The following ABCC9 variants were observed in gnomAD, a reference collection of about 807,000 sequenced individuals.
ABCC9 encodes ATP-binding cassette sub-family C member 9.
In ABCC9, 95 loss-of-function variants were observed where a neutral mutation model predicts 188.3. That is an observed-to-expected ratio of 0.50 (90% CI 0.43 to 0.60). The LOEUF is 0.60. ABCC9 is among the 20% of genes least tolerant of loss of function. ABCC9 has a pLI of 0.00. For missense variants in ABCC9, 1,102 were observed against 1,876.3 expected (o/e 0.59, Z 7.62); for synonymous variants, 659 against 652.7 (o/e 1.01, Z -0.15).
chr12:21,913,113 C>T (rs767940647), intron 7 of ABCC9, 47 bp from the exon 8 acceptor site: 1 of 1,514,580 alleles, frequency 6.6e-7, no homozygotes, highest in Non-Finnish European at 9.0e-7. Flanking sequence ...CAAAATAAAA[C>T]TGCTTAGAGC....
chr12:21,840,063 G>A (rs1404761078), intron 29 of ABCC9, among the ~76,000 whole-genome samples: 1 of 152,186 alleles, frequency 6.6e-6, no homozygotes, highest in Non-Finnish European at 1.5e-5. Context: ...TTATAAAACT[G>A]TGTTTGATAA....
rs552801748 is a variant in ABCC9, at chr12:21,933,323, G to A, written c.284+459C>T. ...GAAATAATCTGTACAACAAACCTCCGTGACTCAAGTTTACCTGCATAATAA... is the reference window on the plus strand; with the variant it reads ...GAAATAATCTGTACAACAAACCTCCATGACTCAAGTTTACCTGCATAATAA... On this transcript the variant is annotated intron_variant, in intron 4 of 39. Coordinates refer to ENST00000261200, the MANE Select transcript of ABCC9 (RefSeq NM_020297.4). 8.6e-5 allele frequency among the ~76,000 whole-genome samples: 13 copies of A among 152,020 alleles called. No individual in the cohort carries two copies. The East Asian group carries it at 1.9e-3, about 23-fold the overall frequency.
intron 7 of ABCC9, among the ~76,000 whole-genome samples, 174 bp downstream of exon 7, chr12:21,915,494 G>GTATATATATATATA (rs1242200528): frequency 1.0e-4 from 1 of 9,682 alleles, no homozygotes; most frequent in African/African-American, 2.9e-4. Context: ...GTGTGTGTGT[G>GTATATATATATATA]TGTGTGTATA....
At chr12:21,844,604 T>G (rs1944544137) in intron 27 of ABCC9, 52 bp from the exon 28 acceptor site, 1 of 1,580,434 alleles carries the variant, frequency 6.3e-7, no homozygotes. Context: ...ATTTGGAACC[T>G]GGGCATTGCT....
intron 17 of ABCC9, among the ~76,000 whole-genome samples, chr12:21,873,591 G>T (rs1946186867): frequency 1.3e-5 from 2 of 152,042 alleles, no homozygotes; most frequent in Non-Finnish European, 2.9e-5. Flanking sequence ...GGAAAGAGTA[G>T]ACCCCAAATA....
intron 13 of ABCC9, 89 bp downstream of exon 13, chr12:21,895,186 T>C: frequency 8.8e-7 from 1 of 1,130,916 alleles, no homozygotes; most frequent in Non-Finnish European, 1.3e-6. Flanking sequence ...GGTGAGGTAA[T>C]ATATATTACT....
chr12:21,810,693 G>A (rs992873013), intron 36 of ABCC9, among the ~76,000 whole-genome samples: 1 of 152,010 alleles, frequency 6.6e-6, no homozygotes, highest in Admixed American at 6.6e-5. Context: ...GAGGATTATG[G>A]CAACTACAAT....
At chr12:21,882,348 C>T (rs766605114) in intron 16 of ABCC9, among the ~76,000 whole-genome samples, 1 of 152,136 alleles carries the variant, frequency 6.6e-6, no homozygotes, top group African/African-American at 2.4e-5. Flanking sequence ...AGGGCAGTAC[C>T]GGGAAACTGG....
chr12:21,926,116 T>A, intron 4 of ABCC9, 53 bp from the exon 5 acceptor site: 2 of 1,612,528 alleles, frequency 1.2e-6, no homozygotes, highest in Admixed American at 1.7e-5. Context: ...GATAATTTCT[T>A]ATTTTTTTTC....
chr12:21,936,437 A>G (rs1287082474), intron 3 of ABCC9, 96 bp downstream of exon 3: 6 of 1,093,798 alleles, frequency 5.5e-6, no homozygotes, highest in Non-Finnish European at 8.0e-6. Context: ...ATCAGCTTCC[A>G]TGTTACAGAA....
chr12:21,859,402 C>A (rs190702579), intron 22 of ABCC9, among the ~76,000 whole-genome samples, 184 bp downstream of exon 22: 1 of 152,272 alleles, frequency 6.6e-6, no homozygotes, highest in Non-Finnish European at 1.5e-5. Context: ...TCCCAACTCT[C>A]AAGATACGTT....
intron 21 of ABCC9, 29 bp from the exon 22 acceptor site, chr12:21,859,695 T>A (rs1945408641): frequency 1.3e-6 from 2 of 1,562,748 alleles, no homozygotes; most frequent in Non-Finnish European, 8.8e-7. Flanking sequence ...CAAATACCCA[T>A]TTTTTAATAT....
chr12:21,911,766 A>C (rs1948335904), intron 8 of ABCC9, among the ~76,000 whole-genome samples: 1 of 151,942 alleles, frequency 6.6e-6, no homozygotes, highest in Non-Finnish European at 1.5e-5. Flanking sequence ...TTCTTAGCAA[A>C]ACGTGGTTAA....
chr12:21,817,417 G>A, intron 32 of ABCC9, 110 bp from the exon 33 acceptor site: 2 of 984,948 alleles, frequency 2.0e-6, no homozygotes, highest in Non-Finnish European at 3.1e-6. Context: ...GTACATGTGT[G>A]ATACAACTCA....
intron 6 of ABCC9, among the ~76,000 whole-genome samples, chr12:21,916,381 A>G (rs926260046): frequency 6.6e-6 from 1 of 152,182 alleles, no homozygotes; most frequent in Non-Finnish European, 1.5e-5. Context: ...TAAAAAATGA[A>G]TACTGGAAAA....
At position 21,910,817 on chromosome 12, in the gene ABCC9, T is replaced by C; in HGVS notation, c.1164+9A>G. On this transcript the variant is annotated intron_variant, in intron 9 of 39. Coordinates refer to ENST00000261200, the MANE Select transcript of ABCC9 (RefSeq NM_020297.4). ...TAGGAAACAAATAGTATTCACAGCCTTTACATACCAGCAGAGCTCCACGGA... is the reference window on the plus strand; with the variant it reads ...TAGGAAACAAATAGTATTCACAGCCCTTACATACCAGCAGAGCTCCACGGA... 6.2e-7 allele frequency: 1 copy of C among 1,607,338 alleles called. No individual in the cohort carries two copies. The highest frequency in any genetic ancestry group is 8.5e-7 in the Non-Finnish European group (1 of 1,174,184).
intron 7 of ABCC9, among the ~76,000 whole-genome samples, chr12:21,915,348 TG>T (rs1352923779): frequency 6.9e-6 from 1 of 145,842 alleles, no homozygotes; most frequent in Non-Finnish European, 1.5e-5. Context: ...GACATGTGTA[TG>T]TATATATAAT....
chr12:21,803,513 G>C (rs747507268), intron 39 of ABCC9, among the ~76,000 whole-genome samples: 2 of 151,790 alleles, frequency 1.3e-5, no homozygotes, highest in Non-Finnish European at 2.9e-5. Flanking sequence ...AAATTAGCCG[G>C]GCATGGTGGT....
chr12:21,911,809 C>G (rs776728946), intron 8 of ABCC9, among the ~76,000 whole-genome samples: 1 of 151,908 alleles, frequency 6.6e-6, no homozygotes, highest in Non-Finnish European at 1.5e-5. Context: ...TGGATAAACT[C>G]TGTGGAATTT....
Sources: allele counts gnomAD v4.1 joint callset (sites outside exome capture counted in the v4.1 genomes callset), GRCh38; gene constraint gnomAD v4.1.1; transcripts MANE v1.5; gene names NCBI Gene and HGNC (gene_info 2026-07-23, HGNC 2026-07-21).